The following SCTR variants were observed in gnomAD, a reference collection of about 807,000 sequenced individuals.
The protein encoded by SCTR is pancreatic secretin receptor.
In SCTR, 56 loss-of-function variants were observed where a neutral mutation model predicts 60.8. The observed-to-expected ratio is 0.92, with a 90% confidence interval of 0.74 to 1.15. SCTR has a LOEUF of 1.15. SCTR is among the 50% of genes most tolerant of loss of function. The pLI is 0.00. For synonymous variants in SCTR, 202 were observed against 217.0 expected, an observed-to-expected ratio of 0.93 and a Z score of 0.61; for missense variants, 562 against 550.4, an observed-to-expected ratio of 1.02 and a Z score of -0.21.
intron 1 of SCTR, among the ~76,000 whole-genome samples, chr2:119,511,417 G>T (rs1678926496): frequency 6.6e-6 from 1 of 152,052 alleles, no homozygotes; most frequent in South Asian, 2.1e-4. Flanking sequence ...TTTTGACTAG[G>T]AAATATTGTT....
At chr2:119,460,059 C>T (rs1378720791) in intron 7 of SCTR, among the ~76,000 whole-genome samples, 1 of 151,888 alleles carries the variant, frequency 6.6e-6, no homozygotes, top group Non-Finnish European at 1.5e-5. Context: ...GCTGACTGGG[C>T]TGCCAAGGTT....
In SCTR at chr2:119,491,216, T is replaced by A. The variant is rs188278435; in HGVS notation, c.193+3212A>T. 1.3e-3 allele frequency among the ~76,000 whole-genome samples: 191 copies of A among 152,328 alleles called. 1 individual carries two copies. The highest frequency in any genetic ancestry group is 9.1e-4 in the Non-Finnish European group (62 of 68,026). The stretch of plus-strand genomic sequence containing the variant: ...TGTGGCAGAGGTGATCTTTTCATAA[T>A]GCAGACGGTAACACTCCTGGCCTCC... On this transcript the variant is annotated intron_variant, in intron 2 of 12. Transcript: ENST00000019103.
intron 11 of SCTR, 119 bp from the exon 12 acceptor site, chr2:119,441,718 CCT>C: frequency 1.2e-6 from 1 of 833,784 alleles, no homozygotes; most frequent in Non-Finnish European, 2.0e-6. Flanking sequence ...CATTTCCCCA[CCT>C]CTCTTGCCTC....
chr2:119,494,819 C>A (rs373929441), intron 1 of SCTR, among the ~76,000 whole-genome samples: 8 of 152,334 alleles, frequency 5.3e-5, no homozygotes, highest in South Asian at 4.1e-4. Context: ...CTGAGCCCAA[C>A]AAGCTGTTTG....
intron 2 of SCTR, among the ~76,000 whole-genome samples, chr2:119,493,486 T>C (rs1678216671): frequency 6.6e-6 from 1 of 152,292 alleles, no homozygotes; most frequent in East Asian, 1.9e-4. Context: ...AAAAATAAAG[T>C]TAACATTTAA....
intron 6 of SCTR, 76 bp downstream of exon 6, chr2:119,464,047 G>C: frequency 1.3e-6 from 2 of 1,497,460 alleles, no homozygotes; most frequent in Non-Finnish European, 1.9e-6. Flanking sequence ...GGACAACTAG[G>C]CTACTCCCCT....
chr2:119,507,991 T>A (rs1678804455), intron 1 of SCTR, among the ~76,000 whole-genome samples: 1 of 152,176 alleles, frequency 6.6e-6, no homozygotes, highest in Non-Finnish European at 1.5e-5. Flanking sequence ...AGAGACTGTT[T>A]CCCCAGTAAA....
intron 1 of SCTR, among the ~76,000 whole-genome samples, chr2:119,496,324 T>C (rs1678343925): frequency 6.6e-6 from 1 of 152,246 alleles, no homozygotes; most frequent in African/African-American, 2.4e-5. Context: ...GAATTGTAGA[T>C]GGTAAGTGTC....
In SCTR at chr2:119,494,478, T is replaced by C; in HGVS notation, c.143A>G (p.Glu48Gly). Residue 48 changes from glutamate to glycine, a missense_variant, in exon 2 of 13, where the codon GAA (glutamate) becomes GGA (glycine). Transcript: ENST00000019103. ...GTCTCCTGTCTGCTCTCTGGAGAGT[T>C]CCTGCAGGCACTGGTCTTGCTCTTC... is the stretch of plus-strand genomic sequence containing the variant. ...LWEEQDQCLQ[E>G]LSREQTGDLG... is the part of the protein sequence containing the mutation. 1.2e-6 allele frequency: 2 copies of C among 1,614,032 alleles called. No individual in the cohort carries two copies. The highest frequency in any genetic ancestry group is 1.1e-5 in the South Asian group (1 of 91,072).
chr2:119,476,003 A>T (rs1677280403), intron 3 of SCTR, among the ~76,000 whole-genome samples: 1 of 152,132 alleles, frequency 6.6e-6, no homozygotes, highest in African/African-American at 2.4e-5. Flanking sequence ...GAACAGAAAC[A>T]TCTGGGGGCA....
chr2:119,443,710 G>C (rs7605255), intron 11 of SCTR, among the ~76,000 whole-genome samples: 34,379 of 152,024 alleles, frequency 0.23, 4,274 homozygotes, highest in South Asian at 0.35. Context: ...CCATGCCTGG[G>C]TAATTTTTTG....
At chr2:119,445,854 T>C (rs905139632) in intron 11 of SCTR, among the ~76,000 whole-genome samples, 1 of 152,246 alleles carries the variant, frequency 6.6e-6, no homozygotes, top group African/African-American at 2.4e-5. Flanking sequence ...TATAGAACTT[T>C]ATCGTATTTG....
intron 11 of SCTR, among the ~76,000 whole-genome samples, chr2:119,446,202 A>G (rs2104759100): frequency 1.3e-5 from 2 of 152,266 alleles, no homozygotes; most frequent in South Asian, 4.1e-4. Context: ...GATTCCTGTT[A>G]CAGAACCAGC....
At chr2:119,495,859 C>A (rs1424451128) in intron 1 of SCTR, among the ~76,000 whole-genome samples, 1 of 152,220 alleles carries the variant, frequency 6.6e-6, no homozygotes, top group East Asian at 1.9e-4. Flanking sequence ...AACACCTGGG[C>A]CCAGCCAGCT....
intron 1 of SCTR, among the ~76,000 whole-genome samples, chr2:119,521,872 T>C (rs1411736682): frequency 6.6e-6 from 1 of 152,096 alleles, no homozygotes; most frequent in African/African-American, 2.4e-5. Context: ...CACTCCTATT[T>C]ATTACAGGAG....
intron 2 of SCTR, chr2:119,479,312 A>G (rs1677490117): frequency 3.0e-6 from 3 of 994,376 alleles, no homozygotes; most frequent in Non-Finnish European, 2.4e-6. Context: ...TCATGGTACG[A>G]CTACCTGGGG....
At chr2:119,495,681 CAT>C (rs1344700087) in intron 1 of SCTR, 1 of 152,310 alleles carries the variant, frequency 6.6e-6, no homozygotes, top group Non-Finnish European at 1.5e-5. Flanking sequence ...GGATCTTCCA[CAT>C]GTTACCACCC....
chr2:119,443,699 A>G (rs140041260), intron 11 of SCTR, among the ~76,000 whole-genome samples: 4,205 of 152,058 alleles, frequency 0.028, 173 homozygotes, highest in African/African-American at 0.096. Context: ...GGCACACACC[A>G]CCATGCCTGG....
At chr2:119,498,016 C>T (rs148480573) in intron 1 of SCTR, among the ~76,000 whole-genome samples, 1,974 of 152,184 alleles carry the variant, frequency 0.013, 44 homozygotes, top group African/African-American at 0.046. Flanking sequence ...GAGACATACA[C>T]TTGTAGACTG....
Sources: allele counts gnomAD v4.1 joint callset (sites outside exome capture counted in the v4.1 genomes callset), GRCh38; gene constraint gnomAD v4.1.1; transcripts MANE v1.5; gene names NCBI Gene and HGNC (gene_info 2026-07-23, HGNC 2026-07-21).